The following SPAG16 variants were observed in gnomAD, a reference collection of about 807,000 sequenced individuals.
SPAG16 encodes the protein sperm associated antigen 16, also known as sperm-associated antigen 16 protein.
In SPAG16, 86 loss-of-function variants were observed where a neutral mutation model predicts 80.4. That is an observed-to-expected ratio of 1.07 (90% CI 0.90 to 1.28). The LOEUF (loss-of-function observed/expected upper bound fraction) is 1.28, where lower values mean the gene tolerates loss of function less well. Ranked by LOEUF, SPAG16 falls within the 50% of genes most tolerant of loss-of-function variation. The probability of loss-of-function intolerance (pLI) is 0.00; values close to 1 mark genes in which losing one functional copy is unlikely to be tolerated. For missense variants in SPAG16, 870 were observed against 765.3 expected, an observed-to-expected ratio of 1.14 and a Z score of -1.61; for synonymous variants, 294 against 265.9, an observed-to-expected ratio of 1.11 and a Z score of -1.03.
chr2:213,705,011 G>A (rs2065674604), intron 10 of SPAG16, among the ~76,000 whole-genome samples: 1 of 152,182 alleles, frequency 6.6e-6, no homozygotes, highest in Non-Finnish European at 1.5e-5. Flanking sequence ...CCAGCACTTT[G>A]GGAGGCGGAG....
At chr2:213,774,019 CTGTT>C (rs1240200532) in intron 10 of SPAG16, among the ~76,000 whole-genome samples, 2 of 152,136 alleles carry the variant, frequency 1.3e-5, no homozygotes, top group Non-Finnish European at 2.9e-5. Context: ...AATCCTCTGT[CTGTT>C]CACTCCTATT....
intron 12 of SPAG16, among the ~76,000 whole-genome samples, chr2:213,937,546 C>T (rs769004063): frequency 4.0e-5 from 6 of 151,842 alleles, no homozygotes; most frequent in Non-Finnish European, 7.4e-5. Flanking sequence ...GAATTGTTTC[C>T]CCTTGACATA....
rs1055200792 is a variant in SPAG16, at chr2:213,674,893, T to G, written c.1070+184803T>G. Among the ~76,000 whole-genome samples the G allele has an allele frequency of 5.3e-4, 80 of 149,682 alleles. 1 individual carries two copies. Among genetic ancestry groups the G allele is most frequent in the African/African-American group, 2.0e-3 (77 of 39,100 alleles). Reference sequence around the variant, plus strand: ...AGCATGATTTATAATCCTTTGGGTATATACCCAGTAATGGGATGGCTGAGT... The same window carrying G: ...AGCATGATTTATAATCCTTTGGGTAGATACCCAGTAATGGGATGGCTGAGT... On this transcript the variant is annotated intron_variant, in intron 10 of 15. Coordinates refer to ENST00000331683, the MANE Select transcript of SPAG16 (RefSeq NM_024532.5).
chr2:214,351,766 T>C (rs1306990937), intron 15 of SPAG16, among the ~76,000 whole-genome samples: 1 of 82,370 alleles, frequency 1.2e-5, no homozygotes, highest in Non-Finnish European at 3.5e-5. Flanking sequence ...CATGGGAAAA[T>C]TGTATCAATT....
At chr2:213,801,454 C>T (rs896689596) in intron 10 of SPAG16, among the ~76,000 whole-genome samples, 2 of 152,186 alleles carry the variant, frequency 1.3e-5, no homozygotes, top group Admixed American at 6.5e-5. Context: ...CAGGCATATG[C>T]CACATTAGTT....
intron 10 of SPAG16, among the ~76,000 whole-genome samples, chr2:213,651,686 C>G (rs1057510515): frequency 9.2e-5 from 14 of 152,086 alleles, no homozygotes; most frequent in African/African-American, 3.4e-4. Flanking sequence ...TCTGAAATAT[C>G]AAGGGAAGGA....
At chr2:214,078,095 T>C (rs1278048963) in intron 13 of SPAG16, among the ~76,000 whole-genome samples, 3 of 149,228 alleles carry the variant, frequency 2.0e-5, no homozygotes, top group Non-Finnish European at 4.5e-5. Flanking sequence ...TCTGATTCTT[T>C]CTGCAAGGGA....
intron 15 of SPAG16, among the ~76,000 whole-genome samples, chr2:214,290,278 TTTTG>T (rs1214663479): frequency 1.3e-5 from 2 of 152,156 alleles, no homozygotes; most frequent in African/African-American, 2.4e-5. Context: ...CCTTTTCTGA[TTTTG>T]TTTATTTGGG....
At chr2:213,838,873 G>A (rs1216853878) in intron 10 of SPAG16, among the ~76,000 whole-genome samples, 2 of 152,132 alleles carry the variant, frequency 1.3e-5, no homozygotes, top group East Asian at 3.9e-4. Flanking sequence ...TTTTGGCTTG[G>A]CAACATGGAA....
intron 10 of SPAG16, among the ~76,000 whole-genome samples, chr2:213,534,947 A>C (rs1266188501): frequency 6.6e-6 from 1 of 152,112 alleles, no homozygotes. Flanking sequence ...TGGTGTTCTT[A>C]AAAGAAGAGT....
At chr2:213,833,539 A>ATT (rs1259909122) in intron 10 of SPAG16, among the ~76,000 whole-genome samples, 4 of 754 alleles carry the variant, frequency 5.3e-3, no homozygotes, top group African/African-American at 9.9e-3. Context: ...TATTATATAT[A>ATT]ATATATATAA....
At chr2:213,672,993 T>C (rs771914984) in intron 10 of SPAG16, among the ~76,000 whole-genome samples, 120 of 152,170 alleles carry the variant, frequency 7.9e-4, no homozygotes, top group Middle Eastern at 3.4e-3. Flanking sequence ...ATCAGGTCTT[T>C]AACTTGATCT....
intron 10 of SPAG16, among the ~76,000 whole-genome samples, chr2:213,664,817 G>A (rs190042055): frequency 6.9e-6 from 1 of 144,046 alleles, no homozygotes; most frequent in Admixed American, 6.9e-5. Context: ...GTGTGTGTCT[G>A]TATGCATGCA....
At chr2:213,547,345 C>T (rs568426311) in intron 10 of SPAG16, among the ~76,000 whole-genome samples, 1 of 152,008 alleles carries the variant, frequency 6.6e-6, no homozygotes, top group Non-Finnish European at 1.5e-5. Context: ...CCTTCCCTTG[C>T]ATTTCTTTGA....
At chr2:214,240,766 T>C (rs1689405284) in intron 15 of SPAG16, 2 of 152,130 alleles carry the variant, frequency 1.3e-5, no homozygotes, top group South Asian at 4.1e-4. Context: ...AGATCTAGAA[T>C]TTATAGAAAT....
At chr2:213,575,518 C>G (rs2060093130) in intron 10 of SPAG16, among the ~76,000 whole-genome samples, 1 of 152,042 alleles carries the variant, frequency 6.6e-6, no homozygotes, top group African/African-American at 2.4e-5. Context: ...TTGATTATAG[C>G]TTCAAAAGGA....
At chr2:213,488,162 T>C (rs2074070591) in intron 9 of SPAG16, among the ~76,000 whole-genome samples, 1 of 152,116 alleles carries the variant, frequency 6.6e-6, no homozygotes, top group African/African-American at 2.4e-5. Context: ...CTGAAACTGG[T>C]GCCTGTCATA....
intron 15 of SPAG16, among the ~76,000 whole-genome samples, chr2:214,291,330 G>T: frequency 1.1e-5 from 1 of 87,718 alleles, no homozygotes; most frequent in Admixed American, 1.9e-4. Flanking sequence ...TTTTGAGACG[G>T]AGTCTTGCTC....
intron 15 of SPAG16, among the ~76,000 whole-genome samples, chr2:214,220,881 C>T (rs1404312948): frequency 2.6e-5 from 4 of 152,112 alleles, no homozygotes; most frequent in Admixed American, 2.0e-4. Flanking sequence ...GGGGAGCATA[C>T]TCACTACATT....
Sources: gnomAD v4.1 joint callset for allele counts (sites outside exome capture counted in the v4.1 genomes callset) on GRCh38, gnomAD v4.1.1 for gene constraint, MANE v1.5 for transcripts, NCBI Gene and HGNC (gene_info 2026-07-23, HGNC 2026-07-21) for gene names.